Variants in NPAS3 observed in about 807,000 individuals in gnomAD.
The protein encoded by NPAS3 is neuronal PAS domain protein 3.
A neutral mutation model predicts 73.1 loss-of-function variants in NPAS3; 14 were observed. The observed-to-expected ratio is 0.19, with a 90% CI of 0.13 to 0.30. The LOEUF is 0.30. Among genes scored for constraint, NPAS3 ranks in the 10% least tolerant of loss-of-function variants. The pLI, the probability that NPAS3 is intolerant of heterozygous loss-of-function variation, is 1.00. For missense variants in NPAS3, 1,096 were observed against 1,250.0 expected (o/e 0.88, Z 1.86); for synonymous variants, 620 against 541.5 (o/e 1.14, Z -2.01).
chr14:33,109,640 G>T (rs1429182884), intron 2 of NPAS3, among the ~76,000 whole-genome samples: 1 of 151,994 alleles, frequency 6.6e-6, no homozygotes, highest in East Asian at 1.9e-4. Context: ...GCAATTTGGG[G>T]CTTCTTGTGG....
At chr14:33,364,914 C>T (rs1336425135) in intron 3 of NPAS3, among the ~76,000 whole-genome samples, 1 of 151,786 alleles carries the variant, frequency 6.6e-6, no homozygotes, top group Non-Finnish European at 1.5e-5. Context: ...TTCCTTATAA[C>T]CTGGTGGCTA....
chr14:33,654,014 C>T (rs7143066), intron 5 of NPAS3, among the ~76,000 whole-genome samples: 18,124 of 152,192 alleles, frequency 0.12, 1,406 homozygotes, highest in East Asian at 0.26. Flanking sequence ...TGGATAAAGG[C>T]AGTCTTATAA....
intron 6 of NPAS3, among the ~76,000 whole-genome samples, chr14:33,710,190 G>A (rs1313295321): frequency 2.0e-5 from 3 of 152,164 alleles, no homozygotes; most frequent in Admixed American, 6.5e-5. Flanking sequence ...GGTGGCAAAG[G>A]CAAAACTTGT....
intron 5 of NPAS3, among the ~76,000 whole-genome samples, chr14:33,645,568 G>A (rs906358592): frequency 3.9e-5 from 6 of 152,152 alleles, no homozygotes; most frequent in Non-Finnish European, 8.8e-5. Context: ...GCAGCTCTAG[G>A]AAAACGATTC....
intron 4 of NPAS3, among the ~76,000 whole-genome samples, chr14:33,377,046 G>T (rs1423015951): frequency 1.3e-5 from 2 of 151,998 alleles, no homozygotes; most frequent in Non-Finnish European, 2.9e-5. Flanking sequence ...ATTCTCTCAG[G>T]TTCAAAACAA....
rs150612924 is a variant in NPAS3 at position 33,440,644 on chromosome 14, G to A, written c.468+73376G>A. Among the ~76,000 whole-genome samples the A allele has an allele frequency of 4.4e-3, 675 of 152,298 alleles. 2 individuals are homozygous for A. Among genetic ancestry groups the A allele is most frequent in the African/African-American group, 0.016 (652 of 41,554 alleles). On this transcript the variant is annotated intron_variant, in intron 4 of 11. Transcript: ENST00000356141. ...GTGGTGGCTCACGCCTGTAATCCCA[G>A]CACTTTGGGAGGCTGAGGCGGGTGG...
intron 6 of NPAS3, among the ~76,000 whole-genome samples, chr14:33,677,968 C>G (rs537704914): frequency 1.3e-5 from 2 of 152,178 alleles, no homozygotes; most frequent in Non-Finnish European, 2.9e-5. Flanking sequence ...GTTTTCTACT[C>G]TTTCATCCTG....
chr14:33,313,809 C>A (rs41499245), intron 3 of NPAS3, among the ~76,000 whole-genome samples: 6,468 of 152,008 alleles, frequency 0.043, 366 homozygotes, highest in East Asian at 0.13. Flanking sequence ...TTTGGGATTT[C>A]GAAAATAGCA....
At position 33,792,325 on chromosome 14, in the gene NPAS3, C is replaced by A. The variant is rs1053737520; in HGVS notation, c.1154-1572C>A. ...GAAACTTGTTATGATTTGAAACACT[C>A]ATCAAAGTGAGGCTTTTTCAAGTAA... On this transcript the variant is annotated intron_variant, in intron 9 of 11. Coordinates refer to ENST00000356141, the Ensembl canonical transcript of NPAS3. Among the ~76,000 whole-genome samples the A allele has an allele frequency of 3.3e-5, 5 of 152,036 alleles. No homozygotes were observed. In the South Asian group the frequency reaches 8.3e-4, roughly 25 times the overall value.
chr14:33,166,081 G>C (rs150722160), intron 2 of NPAS3, among the ~76,000 whole-genome samples: 2,420 of 152,258 alleles, frequency 0.016, 27 homozygotes, highest in Middle Eastern at 0.027. Context: ...CACTACTGTC[G>C]GTGCTGTGCT....
intron 3 of NPAS3, among the ~76,000 whole-genome samples, chr14:33,271,981 CAT>C (rs1180926317): frequency 6.6e-6 from 1 of 151,914 alleles, no homozygotes; most frequent in African/African-American, 2.4e-5. Context: ...TTTTCCAAAA[CAT>C]AGATAAATTA....
intron 2 of NPAS3, among the ~76,000 whole-genome samples, chr14:33,202,983 A>T: frequency 6.6e-6 from 1 of 152,212 alleles, no homozygotes; most frequent in East Asian, 1.9e-4. Context: ...CCCCAATTTT[A>T]TGGTGTCTGT....
At chr14:33,026,394 C>T (rs1487899155) in intron 1 of NPAS3, among the ~76,000 whole-genome samples, 1 of 152,204 alleles carries the variant, frequency 6.6e-6, no homozygotes, top group Non-Finnish European at 1.5e-5. Flanking sequence ...TGTATGGTTC[C>T]TCCTTGTATC....
intron 4 of NPAS3, among the ~76,000 whole-genome samples, chr14:33,388,613 G>T (rs1416907160): frequency 6.6e-6 from 1 of 152,124 alleles, no homozygotes; most frequent in East Asian, 1.9e-4. Flanking sequence ...TGAGGCTCGA[G>T]CTGGGCGTTC....
chr14:33,635,889 T>C (rs141029850), intron 5 of NPAS3, among the ~76,000 whole-genome samples: 7 of 152,360 alleles, frequency 4.6e-5, no homozygotes, highest in Middle Eastern at 3.4e-3. Flanking sequence ...CACCTGTACA[T>C]ACATCCCTCT....
chr14:33,110,626 T>C (rs574211544), intron 2 of NPAS3, among the ~76,000 whole-genome samples: 1 of 152,316 alleles, frequency 6.6e-6, no homozygotes, highest in East Asian at 1.9e-4. Flanking sequence ...GAATTTACTT[T>C]GCATCATTAA....
At chr14:33,272,683 C>A (rs141006420) in intron 3 of NPAS3, among the ~76,000 whole-genome samples, 1 of 152,104 alleles carries the variant, frequency 6.6e-6, no homozygotes, top group Non-Finnish European at 1.5e-5. Flanking sequence ...TCCCAAAGTG[C>A]TGGGATTACA....
intron 9 of NPAS3, among the ~76,000 whole-genome samples, chr14:33,780,086 A>T (rs185844736): frequency 6.6e-6 from 1 of 152,350 alleles, no homozygotes; most frequent in Non-Finnish European, 1.5e-5. Flanking sequence ...CTGCGTTAGC[A>T]ACACTGACAT....
intron 5 of NPAS3, among the ~76,000 whole-genome samples, chr14:33,636,692 G>A (rs564338559): frequency 1.3e-5 from 2 of 152,126 alleles, no homozygotes; most frequent in Admixed American, 1.3e-4. Flanking sequence ...GCCCCCAAAC[G>A]CACACCAGTC....
Sources: allele counts gnomAD v4.1 joint callset (sites outside exome capture counted in the v4.1 genomes callset), GRCh38; gene constraint gnomAD v4.1.1; transcripts MANE v1.5; gene names NCBI Gene and HGNC (gene_info 2026-07-23, HGNC 2026-07-21).